Variants in FHIP1B observed in about 807,000 individuals in gnomAD.
FHIP1B encodes the protein FHF complex subunit HOOK interacting protein 1B, also known as FHF complex subunit HOOK-interacting protein 1B.
FHIP1B carries 28 observed loss-of-function variants against 82.2 expected under a neutral mutation model. The observed-to-expected ratio is 0.34, with a 90% CI of 0.25 to 0.47. The LOEUF (loss-of-function observed/expected upper bound fraction) is 0.47. Ranked by LOEUF, FHIP1B falls within the 20% of genes least tolerant of loss-of-function variation. The probability of loss-of-function intolerance (pLI) is 1.00; values close to 1 mark genes in which losing one functional copy is unlikely to be tolerated. For synonymous variants in FHIP1B, 585 were observed against 516.1 expected (o/e 1.13, Z -1.81); for missense variants, 1,110 against 1,262.6 (o/e 0.88, Z 1.83).
chr11:6,222,307 A>C, intron 6 of FHIP1B, 135 bp downstream of exon 6: 1 of 941,422 alleles, frequency 1.1e-6, no homozygotes, highest in South Asian at 1.6e-5. Context: ...TAATGCTGGA[A>C]AGTTAATGCC....
At chr11:6,222,118 A>C (rs1847425075) in intron 6 of FHIP1B, among the ~76,000 whole-genome samples, 1 of 152,182 alleles carries the variant, frequency 6.6e-6, no homozygotes, top group Non-Finnish European at 1.5e-5. Flanking sequence ...CAGGCCACAG[A>C]GTGATAAACA....
intron 6 of FHIP1B, among the ~76,000 whole-genome samples, chr11:6,221,775 A>C (rs1299620841): frequency 1.3e-5 from 2 of 152,028 alleles, no homozygotes; most frequent in Non-Finnish European, 2.9e-5. Flanking sequence ...TATTATTTCT[A>C]AGCACTCTAG....
rs775813695 is a variant in FHIP1B, at chr11:6,222,760, G to A, written c.1023+51C>T. The A allele has an allele frequency of 8.8e-6, 14 of 1,587,406 alleles. No individual in the cohort carries two copies. The East Asian group carries it at 8.9e-5, about 10-fold the overall frequency. On this transcript the variant is annotated intron_variant, in intron 5 of 11. Transcript: ENST00000449352. ...CTCCTACGTTAGTCCTGTCACTGAGGTTACCACTGCAGCTTAGCCCCTTAT... is the reference window on the plus strand; with the variant it reads ...CTCCTACGTTAGTCCTGTCACTGAGATTACCACTGCAGCTTAGCCCCTTAT...
rs887973851 is a variant in FHIP1B at position 6,223,138 on chromosome 11, C to G, written c.878G>C (p.Gly293Ala). ...WHCLRREDWL[G>A]VPALALFMSS... is the part of the protein sequence containing the mutation. ...CATGAAGAGTGCAAGGGCTGGCACT[C>G]CCAGCCAGTCTTCCCGTCGCAGACA... The change falls in exon 4 of 12, where the codon GGA (glycine) becomes GCA (alanine). Residue 293 changes from glycine to alanine, a missense_variant. Gly to Ala is a moderately conservative substitution (Grantham distance 60, BLOSUM62 0). Coordinates refer to ENST00000449352, the MANE Select transcript of FHIP1B (RefSeq NM_001098794.2). This position sits in a 1 kb window ranked among gnomAD's most constrained non-coding sequence, Gnocchi z 4.8. 6.2e-7 allele frequency: 1 copy of G among 1,602,562 alleles called. No homozygotes were observed.
intron 5 of FHIP1B, 35 bp downstream of exon 5, chr11:6,222,776 A>G (rs1361179729): frequency 6.2e-7 from 1 of 1,604,200 alleles, no homozygotes; most frequent in Non-Finnish European, 8.5e-7. Context: ...ACTGCAGCTT[A>G]GCCCCTTATA....
rs1847515449 is a variant in FHIP1B at position 6,224,685 on chromosome 11, C to A, written c.-169G>T. 6 of 623,326 alleles carry A rather than the reference C, an allele frequency of 9.6e-6. No individual in the cohort carries two copies. The highest frequency in any genetic ancestry group is 2.1e-5 in the South Asian group (1 of 48,420). The allele number at this position is 623,326 out of a possible 1,614,324, so 38.6% of individuals were successfully genotyped here. On this transcript the variant is annotated 5_prime_UTR_variant, in exon 2 of 12. Coordinates refer to ENST00000449352, the MANE Select transcript of FHIP1B (RefSeq NM_001098794.2). The stretch of plus-strand genomic sequence containing the variant: ...GCTGGAATGGCAAGCCCAGAGGTCA[C>A]TGGCCAGTCCAGATTTCTAAATCTA...
intron 1 of FHIP1B, among the ~76,000 whole-genome samples, chr11:6,228,676 C>G (rs535844433): frequency 6.6e-6 from 1 of 152,366 alleles, no homozygotes; most frequent in East Asian, 1.9e-4. Flanking sequence ...CCCACCTTCC[C>G]TCCCTCACTC....
Position 6,214,750 on chromosome 11 carries a change from C to T in FHIP1B, c.2377G>A (p.Val793Ile). ...LNTNMVFQPS[V>I]KSLLQVLGSV... ...TCGCACACCTGCAGCAGGGACTTGA[C>T]ACTGGGCTGGAAGACCATGTTGGTG... The change falls in exon 10 of 12, where the codon GTC becomes ATC. Residue 793 changes from valine to isoleucine, a missense_variant. By Grantham distance (29) the Val-to-Ile change is conservative. Around this residue, in one of 6 missense-constraint regions of FHIP1B, gnomAD observed 39 missense variants for 79.6 expected, o/e 0.49. Coordinates refer to ENST00000449352, the MANE Select transcript of FHIP1B (RefSeq NM_001098794.2). 1 of 1,585,970 alleles carries T rather than the reference C, an allele frequency of 6.3e-7. No individual in the cohort carries two copies. The highest frequency in any genetic ancestry group is 8.6e-7 in the Non-Finnish European group (1 of 1,163,526).
Position 6,217,590 on chromosome 11 carries a change from C to T in FHIP1B, c.1996G>A (p.Glu666Lys), listed in dbSNP as rs142130040. ...AAGCCCTCTAGTCCTGCCATGCCCT[C>T]GGAGATGCCCTCTAGCAGTTCCCCA... ...GAGELLEGIS[E>K]GMAGLEGFGQ... The change falls in exon 9 of 12, where the codon GAG becomes AAG. Residue 666 changes from glutamate (E) to lysine (K), a missense_variant. Coordinates refer to ENST00000449352, the MANE Select transcript of FHIP1B (RefSeq NM_001098794.2). 94 of 1,612,798 alleles carry T rather than the reference C, an allele frequency of 5.8e-5. No individual in the cohort carries two copies. Among genetic ancestry groups the T allele is most frequent in the Middle Eastern group, 3.3e-4 (2 of 6,052 alleles).
intron 9 of FHIP1B, among the ~76,000 whole-genome samples, chr11:6,215,818 G>C (rs1452165833): frequency 6.6e-6 from 1 of 152,116 alleles, no homozygotes; most frequent in African/African-American, 2.4e-5. Flanking sequence ...ATTTTTTTGG[G>C]GAAAGGGAGT....
chr11:6,211,502 A>G lies in FHIP1B; in HGVS notation c.*4T>C, dbSNP rs758739849. On this transcript the variant is annotated 3_prime_UTR_variant, in exon 12 of 12. Transcript: ENST00000449352. ...CCATGGCCCTGATTGTCCATGGAAG[A>G]AAGTTAAGGATTGAGGGGCCCACAG... 1.9e-6 allele frequency: 3 copies of G among 1,574,036 alleles called. No individual in the cohort carries two copies. In the Admixed American group the frequency reaches 5.7e-5, roughly 30 times the overall value.
chr11:6,214,034 GAAAAAA>G (rs59502569), intron 11 of FHIP1B, among the ~76,000 whole-genome samples: 5 of 36,610 alleles, frequency 1.4e-4, no homozygotes, highest in Non-Finnish European at 2.0e-4. Context: ...GACCTCTCCT[GAAAAAA>G]AAAAAAAAAA....
chr11:6,232,496 C>A (rs1847723764), intron 1 of FHIP1B, among the ~76,000 whole-genome samples: 1 of 152,152 alleles, frequency 6.6e-6, no homozygotes, highest in Non-Finnish European at 1.5e-5. Flanking sequence ...TATTATAAAT[C>A]TTCTTTCCCA....
At chr11:6,219,465 T>A (rs887262179) in intron 6 of FHIP1B, among the ~76,000 whole-genome samples, 2 of 152,156 alleles carry the variant, frequency 1.3e-5, no homozygotes, top group African/African-American at 4.8e-5. Context: ...AGCAATACAG[T>A]AACTGAATGC....
chr11:6,218,877 C>A (rs1847326495), intron 7 of FHIP1B, 94 bp downstream of exon 7: 1 of 1,563,676 alleles, frequency 6.4e-7, no homozygotes, highest in African/African-American at 1.4e-5. Flanking sequence ...AGTGGAAACT[C>A]ATGAGTAACC....
chr11:6,221,530 T>C (rs888432156), intron 6 of FHIP1B, among the ~76,000 whole-genome samples: 1 of 152,154 alleles, frequency 6.6e-6, no homozygotes, highest in South Asian at 2.1e-4. Context: ...TTCCAGGTCA[T>C]GCATGATCTG....
chr11:6,216,969 G>A, intron 9 of FHIP1B: 1 of 644,046 alleles, frequency 1.6e-6, no homozygotes, highest in Non-Finnish European at 2.8e-6. Flanking sequence ...ATGGCATAGA[G>A]AGTGTTTAGG....
intron 1 of FHIP1B, among the ~76,000 whole-genome samples, chr11:6,232,925 T>C (rs1010560029): frequency 2.0e-5 from 3 of 152,090 alleles, no homozygotes; most frequent in Non-Finnish European, 2.9e-5. Context: ...ACCAAAAGAA[T>C]AGGAATGATA....
At chr11:6,221,825 C>T (rs1285195639) in intron 6 of FHIP1B, among the ~76,000 whole-genome samples, 1 of 152,146 alleles carries the variant, frequency 6.6e-6, no homozygotes, top group East Asian at 1.9e-4. Context: ...AATGTGTTTG[C>T]TTGTCTGTCT....
Sources: allele counts gnomAD v4.1 joint callset (sites outside exome capture counted in the v4.1 genomes callset), GRCh38; gene constraint gnomAD v4.1.1; regional missense constraint gnomAD v4.1.1; non-coding constraint Gnocchi (gnomAD v3.1); transcripts MANE v1.5; gene names NCBI Gene and HGNC (gene_info 2026-07-23, HGNC 2026-07-21).